Variants in SPAG16 observed in about 807,000 individuals in gnomAD.
SPAG16 encodes sperm associated antigen 16.
SPAG16 carries 86 observed loss-of-function variants against 80.4 expected under a neutral mutation model. The ratio of observed to expected loss-of-function variants is 1.07; its 90% confidence interval spans 0.90 to 1.28. The LOEUF (loss-of-function observed/expected upper bound fraction) is 1.28. Among genes scored for constraint, SPAG16 ranks in the 50% most tolerant of loss-of-function variants. The pLI is 0.00. For missense variants in SPAG16, 870 were observed against 765.3 expected (o/e 1.14, Z -1.61); for synonymous variants, 294 against 265.9 (o/e 1.11, Z -1.03).
chr2:214,277,506 CCTTT>C (rs1364756107), intron 15 of SPAG16, among the ~76,000 whole-genome samples: 1 of 152,120 alleles, frequency 6.6e-6, no homozygotes, highest in African/African-American at 2.4e-5. Flanking sequence ...TGATGCTGTT[CCTTT>C]CTGTTTGTTA....
chr2:213,602,768 T>C (rs1000949271), intron 10 of SPAG16, among the ~76,000 whole-genome samples: 3 of 152,270 alleles, frequency 2.0e-5, no homozygotes, highest in Non-Finnish European at 4.4e-5. Flanking sequence ...TTTTCTCAAA[T>C]GATTACCAAT....
At chr2:213,611,365 G>T (rs1398539964) in intron 10 of SPAG16, among the ~76,000 whole-genome samples, 1 of 151,992 alleles carries the variant, frequency 6.6e-6, no homozygotes, top group Non-Finnish European at 1.5e-5. Flanking sequence ...TTAATAGCAT[G>T]TTTTTTTCTA....
intron 10 of SPAG16, among the ~76,000 whole-genome samples, chr2:213,858,168 A>C (rs2075259850): frequency 2.0e-5 from 3 of 152,232 alleles, no homozygotes; most frequent in Admixed American, 1.3e-4. Flanking sequence ...TATTTGATAA[A>C]GATGTTTGAG....
chr2:214,373,262 C>G (rs1699927862), intron 15 of SPAG16, among the ~76,000 whole-genome samples: 1 of 152,018 alleles, frequency 6.6e-6, no homozygotes, highest in African/African-American at 2.4e-5. Flanking sequence ...CCAACAGATA[C>G]AAAGATAATA....
At chr2:213,928,255 T>A (rs1336945404) in intron 11 of SPAG16, among the ~76,000 whole-genome samples, 1 of 151,384 alleles carries the variant, frequency 6.6e-6, no homozygotes, top group Non-Finnish European at 1.5e-5. Context: ...TGGCTAATTT[T>A]TTTTTTTTTT....
At chr2:213,576,525 T>C (rs2060132261) in intron 10 of SPAG16, among the ~76,000 whole-genome samples, 1 of 152,170 alleles carries the variant, frequency 6.6e-6, no homozygotes, top group African/African-American at 2.4e-5. Context: ...TATGCACGCA[T>C]ATGTTCATTG....
At chr2:213,628,897 C>A (rs138303445) in intron 10 of SPAG16, among the ~76,000 whole-genome samples, 2 of 151,962 alleles carry the variant, frequency 1.3e-5, no homozygotes, top group Non-Finnish European at 2.9e-5. Context: ...GTCTGTTAAG[C>A]GTGTTGTTTG....
intron 11 of SPAG16, among the ~76,000 whole-genome samples, chr2:213,927,678 A>G (rs2078547666): frequency 1.3e-5 from 2 of 152,192 alleles, no homozygotes; most frequent in South Asian, 4.1e-4. Flanking sequence ...ATACTGCTTC[A>G]TTCTAGTTGT....
intron 14 of SPAG16, among the ~76,000 whole-genome samples, chr2:214,143,299 C>A (rs978774722): frequency 6.9e-6 from 1 of 145,048 alleles, no homozygotes; most frequent in African/African-American, 2.5e-5. Context: ...ATGCTTGGAA[C>A]CCTGAGTGAC....
At chr2:214,135,008 A>G (rs1286219833) in intron 14 of SPAG16, among the ~76,000 whole-genome samples, 1 of 152,192 alleles carries the variant, frequency 6.6e-6, no homozygotes, top group African/African-American at 2.4e-5. Flanking sequence ...CATAATCTTC[A>G]TCTATCTAAA....
chr2:213,342,777 T>C (rs1208514577), intron 6 of SPAG16, among the ~76,000 whole-genome samples: 1 of 151,802 alleles, frequency 6.6e-6, no homozygotes, highest in Non-Finnish European at 1.5e-5. Flanking sequence ...ACAAAATACA[T>C]GAGGCAGTTT....
intron 1 of SPAG16, among the ~76,000 whole-genome samples, chr2:213,294,846 A>G (rs571983518): frequency 1.3e-5 from 2 of 152,324 alleles, no homozygotes; most frequent in African/African-American, 4.8e-5. Context: ...TAATATGGTG[A>G]AACCTAAACA....
At chr2:214,022,603 C>T (rs2047927208) in intron 13 of SPAG16, among the ~76,000 whole-genome samples, 1 of 151,950 alleles carries the variant, frequency 6.6e-6, no homozygotes, top group South Asian at 2.1e-4. Context: ...TCTCATGAAA[C>T]TCGGAGCTTT....
chr2:213,778,746 GC>G (rs1559462063), intron 10 of SPAG16, among the ~76,000 whole-genome samples: 1 of 151,796 alleles, frequency 6.6e-6, no homozygotes, highest in Non-Finnish European at 1.5e-5. Context: ...TAGTTCTTTG[GC>G]CCCACTGATC....
intron 10 of SPAG16, among the ~76,000 whole-genome samples, chr2:213,509,964 A>G (rs1024757028): frequency 2.0e-5 from 3 of 152,226 alleles, no homozygotes; most frequent in Non-Finnish European, 4.4e-5. Flanking sequence ...AATAGACGCA[A>G]TACAAAATGA....
chr2:213,818,746 C>T (rs1250572810), intron 10 of SPAG16, among the ~76,000 whole-genome samples: 1 of 152,060 alleles, frequency 6.6e-6, no homozygotes. Context: ...GTGATTGTAC[C>T]ATGGGGGTGG....
intron 15 of SPAG16, among the ~76,000 whole-genome samples, chr2:214,187,521 A>G (rs2057517866): frequency 6.6e-6 from 1 of 152,160 alleles, no homozygotes; most frequent in African/African-American, 2.4e-5. Context: ...GTTTTTCTAC[A>G]TTTTATTAGC....
intron 10 of SPAG16, among the ~76,000 whole-genome samples, chr2:213,632,817 A>C (rs112086057): frequency 0.058 from 8,825 of 152,232 alleles, 843 homozygotes; most frequent in African/African-American, 0.2. Context: ...CTAGGGATAA[A>C]TCCCACTTGG....
In SPAG16 at chr2:213,825,701, CT is replaced by C. The variant is rs55777958; in HGVS notation, c.1071-36762del. On this transcript the variant is annotated intron_variant, in intron 10 of 15. Coordinates refer to ENST00000331683, the MANE Select transcript of SPAG16 (RefSeq NM_024532.5). ...TGTAGTTTTCTTTCTTTCTTTCTTT[CT>C]TTTTTTTTTTTTTTTTTTTTTGATG... is the stretch of plus-strand genomic sequence containing the variant. Among the ~76,000 whole-genome samples the C allele has an allele frequency of 7.9e-3, 871 of 109,726 alleles. 3 individuals carry two copies. Among genetic ancestry groups the C allele is most frequent in the African/African-American group, 0.018 (463 of 26,366 alleles). The allele number at this position is 109,726 out of a possible 152,430, so 72.0% of individuals were successfully genotyped here.
Sources: allele counts gnomAD v4.1 joint callset (sites outside exome capture counted in the v4.1 genomes callset), GRCh38; gene constraint gnomAD v4.1.1; transcripts MANE v1.5; gene names NCBI Gene and HGNC (gene_info 2026-07-23, HGNC 2026-07-21).